Variants in TCF7L1 observed in about 807,000 individuals in gnomAD.
TCF7L1 encodes the protein transcription factor 7 like 1.
TCF7L1 carries 18 observed loss-of-function variants against 63.7 expected under a neutral mutation model. The observed-to-expected ratio is 0.28, with a 90% CI of 0.20 to 0.42. The LOEUF (loss-of-function observed/expected upper bound fraction) is 0.42. Ranked by LOEUF, TCF7L1 falls within the 10% of genes least tolerant of loss-of-function variation. The pLI, the probability that TCF7L1 is intolerant of heterozygous loss-of-function variation, is 1.00. For missense variants in TCF7L1, 654 were observed against 779.3 expected (o/e 0.84, Z 1.91); for synonymous variants, 355 against 340.9 (o/e 1.04, Z -0.46).
At position 85,307,853 on chromosome 2, in the gene TCF7L1, C is replaced by G. The variant is rs75136930; in HGVS notation, c.1333+136C>G. ...CGGGCGGGTATTATTACCCCTTTCT[C>G]GAGGTGGCCACTTAAGAGGCTCTGA... is the stretch of plus-strand genomic sequence containing the variant. On this transcript the variant is annotated intron_variant, in intron 11 of 11. Coordinates refer to ENST00000282111, the MANE Select transcript of TCF7L1 (RefSeq NM_031283.3). 5.2e-5 allele frequency: 37 copies of G among 709,246 alleles called. No individual in the cohort carries two copies. The South Asian group carries it at 6.6e-4, about 13-fold the overall frequency. The allele number at this position is 709,246 out of a possible 1,614,324, so 43.9% of individuals were successfully genotyped here. A position where few individuals can be genotyped will look rare whatever the true frequency, so the allele number is the denominator to read the frequency against.
chr2:85,228,436 A>G (rs1171862028), intron 3 of TCF7L1, among the ~76,000 whole-genome samples: 1 of 152,120 alleles, frequency 6.6e-6, no homozygotes, highest in Non-Finnish European at 1.5e-5. Context: ...ATAAAAATTA[A>G]ATGATAGGGT....
chr2:85,240,996 G>T lies in TCF7L1; in HGVS notation c.442-42499G>T, dbSNP rs568776442. On this transcript the variant is annotated intron_variant, in intron 3 of 11. Coordinates refer to ENST00000282111, the MANE Select transcript of TCF7L1 (RefSeq NM_031283.3). The stretch of plus-strand genomic sequence containing the variant: ...TGGAAATATTAAATCTGTGCCTTTT[G>T]TTTTTGTTTTTAAGGAAATGGAGAA... 2.0e-5 allele frequency among the ~76,000 whole-genome samples: 3 copies of T among 152,198 alleles called. No homozygotes were observed. In the South Asian group the frequency reaches 6.2e-4, roughly 32 times the overall value.
Position 85,297,378 on chromosome 2 carries a change from AC to A in TCF7L1, c.526-5105del, listed in dbSNP as rs547307128. Among the ~76,000 whole-genome samples, 40 of 152,290 alleles carry A rather than the reference AC, an allele frequency of 2.6e-4. No homozygotes were observed. The East Asian group carries it at 7.7e-3, about 29-fold the overall frequency. ...AGAAAGTATTTGTTGACCCATCCGT[AC>A]AGACCCTCATTCTCCTCTCTGCTGC... is the stretch of plus-strand genomic sequence containing the variant. On this transcript the variant is annotated intron_variant, in intron 4 of 11. Transcript: ENST00000282111.
chr2:85,174,642 T>G (rs1339299041), intron 3 of TCF7L1, among the ~76,000 whole-genome samples: 1 of 152,228 alleles, frequency 6.6e-6, no homozygotes, highest in Non-Finnish European at 1.5e-5. Context: ...GTGTTTTGAC[T>G]GGTGAGTCAA....
Position 85,307,711 on chromosome 2 carries a change from G to A in TCF7L1, c.1327G>A (p.Ala443Thr). 1 of 1,613,510 alleles carries A rather than the reference G, an allele frequency of 6.2e-7. No individual in the cohort carries two copies. The highest frequency in any genetic ancestry group is 1.1e-5 in the South Asian group (1 of 91,062). The change falls in exon 11 of 12, where the codon GCA becomes ACA. Residue 443 changes from alanine (A) to threonine (T), a missense_variant. Physicochemically the swap from Ala to Thr is moderately conservative, Grantham distance 58. Transcript: ENST00000282111. ...QTQSQQQVQE[A>T]EGALASKSKK... ...ACAGTCACAGCAGCAAGTCCAGGAG[G>A]CAGAGGGTGCGTCTCGGGGCACTGG... is the stretch of plus-strand genomic sequence containing the variant.
At chr2:85,214,300 G>A (rs1348367343) in intron 3 of TCF7L1, among the ~76,000 whole-genome samples, 2 of 152,216 alleles carry the variant, frequency 1.3e-5, no homozygotes, top group Admixed American at 6.5e-5. Context: ...ATGGCCTGGG[G>A]CCTTTCTGCC....
At chr2:85,266,440 T>A (rs1402399172) in intron 3 of TCF7L1, among the ~76,000 whole-genome samples, 1 of 152,242 alleles carries the variant, frequency 6.6e-6, no homozygotes, top group Non-Finnish European at 1.5e-5. Context: ...ACTGAGTTCA[T>A]AACTTCTTTA....
rs1260119508 is a variant in TCF7L1, at chr2:85,134,392, C to T, written c.383C>T (p.Pro128Leu). Reference sequence around the variant, plus strand: ...CCTGGGTACCCCTTCCTGATGATCCCGGACCTGAGCAGCCCGTACCTCTCC... The same window carrying T: ...CCTGGGTACCCCTTCCTGATGATCCTGGACCTGAGCAGCCCGTACCTCTCC... ...PYPGYPFLMI[P>L]DLSSPYLSNG... Residue 128 changes from proline to leucine, a missense_variant, in exon 3 of 12, where the codon CCG becomes CTG. By Grantham distance (98) the Pro-to-Leu change is moderately conservative (BLOSUM62 -3). Around this residue, in one of 3 missense-constraint regions of TCF7L1, gnomAD observed 404 missense variants for 454.8 expected, o/e 0.89. Coordinates refer to ENST00000282111, the MANE Select transcript of TCF7L1 (RefSeq NM_031283.3). This position sits in a 1 kb window ranked among gnomAD's most constrained non-coding sequence, Gnocchi z 5.0. 1 of 1,571,934 alleles carries T rather than the reference C, an allele frequency of 6.4e-7. No individual in the cohort carries two copies. The highest frequency in any genetic ancestry group is 1.8e-5 in the Admixed American group (1 of 54,598).
chr2:85,297,082 G>A (rs1433658421), intron 4 of TCF7L1, among the ~76,000 whole-genome samples: 4 of 152,134 alleles, frequency 2.6e-5, no homozygotes, highest in Non-Finnish European at 5.9e-5. Flanking sequence ...AATGCCAAAG[G>A]AACAAAAATA....
chr2:85,151,919 T>G (rs149348983), intron 3 of TCF7L1, among the ~76,000 whole-genome samples: 185 of 152,372 alleles, frequency 1.2e-3, no homozygotes, highest in African/African-American at 4.1e-3. Context: ...GCCTCATTCT[T>G]TCCCTTTATA....
rs564801178 is a variant in TCF7L1, at chr2:85,194,319, A to G, written c.441+59869A>G. On this transcript the variant is annotated intron_variant, in intron 3 of 11. Transcript: ENST00000282111. ...CAAGGCGGGTGGATTACTTGAGGCC[A>G]GGAGTTCGAGACCAGCCTGGTCAAC... 7.9e-5 allele frequency among the ~76,000 whole-genome samples: 12 copies of G among 152,306 alleles called. No individual in the cohort carries two copies. The South Asian group carries it at 2.3e-3, about 29-fold the overall frequency.
At chr2:85,257,952 A>G (rs1336685685) in intron 3 of TCF7L1, among the ~76,000 whole-genome samples, 2 of 152,200 alleles carry the variant, frequency 1.3e-5, no homozygotes, top group Non-Finnish European at 2.9e-5. Flanking sequence ...GACTCAGTAT[A>G]ACAGTCAAAT....
chr2:85,252,829 C>T, intron 3 of TCF7L1, among the ~76,000 whole-genome samples: 1 of 152,204 alleles, frequency 6.6e-6, no homozygotes, highest in East Asian at 1.9e-4. Flanking sequence ...CTTCTCTGAG[C>T]CCAGAACGGC....
At chr2:85,298,531 A>AG (rs1456423810) in intron 4 of TCF7L1, among the ~76,000 whole-genome samples, 2 of 149,916 alleles carry the variant, frequency 1.3e-5, no homozygotes, top group African/African-American at 4.9e-5. Context: ...ATGGCTTCCT[A>AG]GGGAGACCAG....
chr2:85,188,266 C>T (rs1025709106), intron 3 of TCF7L1, among the ~76,000 whole-genome samples: 5 of 152,154 alleles, frequency 3.3e-5, no homozygotes, highest in African/African-American at 1.2e-4. Flanking sequence ...TACACATACA[C>T]ACACACACAC....
intron 3 of TCF7L1, among the ~76,000 whole-genome samples, chr2:85,220,642 G>T (rs1414989133): frequency 6.6e-6 from 1 of 152,100 alleles, no homozygotes; most frequent in Non-Finnish European, 1.5e-5. Context: ...GGGATTACAG[G>T]CATGAGCCAC....
chr2:85,244,810 A>T (rs1680421507), intron 3 of TCF7L1, among the ~76,000 whole-genome samples: 1 of 152,110 alleles, frequency 6.6e-6, no homozygotes, highest in African/African-American at 2.4e-5. Context: ...GCTGAGAAAA[A>T]AAGAGGTCAA....
intron 3 of TCF7L1, among the ~76,000 whole-genome samples, chr2:85,148,771 ATTTTTT>A (rs775984491): frequency 8.0e-6 from 1 of 125,014 alleles, no homozygotes; most frequent in South Asian, 2.6e-4. Flanking sequence ...ACAGTATTTA[ATTTTTT>A]TTTTTTTTTT....
chr2:85,262,957 G>A (rs771236080), intron 3 of TCF7L1, among the ~76,000 whole-genome samples: 29 of 152,302 alleles, frequency 1.9e-4, no homozygotes, highest in Non-Finnish European at 1.8e-4. Flanking sequence ...CAGAAAGAAG[G>A]GCCTCAGAGA....
Sources: gnomAD v4.1 joint callset for allele counts (sites outside exome capture counted in the v4.1 genomes callset) on GRCh38, gnomAD v4.1.1 for gene constraint, gnomAD v4.1.1 regional missense constraint, Gnocchi (gnomAD v3.1) non-coding constraint, MANE v1.5 for transcripts, NCBI Gene and HGNC (gene_info 2026-07-23, HGNC 2026-07-21) for gene names.